PSMA7: variants seen among roughly 807,000 people sequenced by gnomAD.
PSMA7 encodes the protein proteasome 20S subunit alpha 7, also known as proteasome subunit alpha type-7.
In PSMA7, 5 loss-of-function variants were observed where a neutral mutation model predicts 31.3. The observed-to-expected ratio is 0.16, with a 90% confidence interval of 0.08 to 0.34. PSMA7 has a LOEUF of 0.34. Ranked by LOEUF, PSMA7 falls within the 10% of genes least tolerant of loss-of-function variation. The pLI is 1.00. For missense variants in PSMA7, 217 were observed against 327.5 expected, an observed-to-expected ratio of 0.66 and a Z score of 2.60; for synonymous variants, 155 against 121.9, an observed-to-expected ratio of 1.27 and a Z score of -1.79.
In PSMA7 at chr20:62,143,265, G is replaced by A; in HGVS notation, c.39C>T (p.Asp13=). ...CGTACTCCACTTGGAAGAGGTGGCC[G>A]TCGGGCGAGAAGACGGTGATGGCGC... ...YDRAITVFSP[D]GHLFQVEYAQ... is the part of the protein sequence containing the mutation. The change falls in exon 1 of 7, where the codon GAC becomes GAT. Residue 13 remains aspartate, a synonymous_variant. Transcript: ENST00000370873. 4 of 1,478,438 alleles carry A rather than the reference G, an allele frequency of 2.7e-6. No individual in the cohort carries two copies. Among genetic ancestry groups the A allele is most frequent in the Non-Finnish European group, 3.6e-6 (4 of 1,107,620 alleles). The allele number at this position is 1,478,438 out of a possible 1,614,324, so 91.6% of individuals were successfully genotyped here. A position where few individuals can be genotyped will look rare whatever the true frequency, so the allele number is the denominator to read the frequency against.
At position 62,136,822 on chromosome 20, in the gene PSMA7, G is replaced by A. The variant is rs906486702; in HGVS notation, c.*35C>T. 2 of 1,579,434 alleles carry A rather than the reference G, an allele frequency of 1.3e-6. No individual in the cohort carries two copies. The highest frequency in any genetic ancestry group is 8.6e-7 in the Non-Finnish European group (1 of 1,167,668). The stretch of plus-strand genomic sequence containing the variant: ...ATCGAGACTCATCCATGATTGATAT[G>A]AATTTAAAAATTACAAGCAAAGACA... On this transcript the variant is annotated 3_prime_UTR_variant, in exon 7 of 7. Coordinates refer to ENST00000370873, the MANE Select transcript of PSMA7 (RefSeq NM_002792.4).
At position 62,136,836 on chromosome 20, in the gene PSMA7, C is replaced by A; in HGVS notation, c.*21G>T. 3 of 1,582,512 alleles carry A rather than the reference C, an allele frequency of 1.9e-6. No homozygotes were observed. The highest frequency in any genetic ancestry group is 2.3e-5 in the South Asian group (2 of 85,508). On this transcript the variant is annotated 3_prime_UTR_variant, in exon 7 of 7. Coordinates refer to ENST00000370873, the MANE Select transcript of PSMA7 (RefSeq NM_002792.4). ...ATGATTGATATGAATTTAAAAATTA[C>A]AAGCAAAGACATTTTATTCATCATG...
In PSMA7 at chr20:62,143,344, A is replaced by AATG; in HGVS notation, c.-42_-41insCAT. On this transcript the variant is annotated 5_prime_UTR_variant, in exon 1 of 7. Transcript: ENST00000370873. ...CCGGGCTCCTTCCGCCGCGACTCTC[A>AATG]AAAGCGCACACTCACGGCCCGCGCG... 4 of 1,282,428 alleles carry AATG rather than the reference A, an allele frequency of 3.1e-6. No homozygotes were observed. The highest frequency in any genetic ancestry group is 4.1e-6 in the Non-Finnish European group (4 of 978,846). 79.4% of individuals were successfully genotyped at this position (1,282,428 alleles called of 1,614,324 possible). A position where few individuals can be genotyped will look rare whatever the true frequency, so the allele number is the denominator to read the frequency against.
intron 4 of PSMA7, 120 bp downstream of exon 4, chr20:62,138,955 A>G: frequency 1.0e-5 from 13 of 1,296,316 alleles, no homozygotes; most frequent in Non-Finnish European, 1.2e-5. Flanking sequence ...TCATAGGACT[A>G]GGTTAACTTA....
intron 5 of PSMA7, 152 bp from the exon 6 acceptor site, chr20:62,137,578 A>G: frequency 1.4e-6 from 1 of 714,866 alleles, no homozygotes; most frequent in Non-Finnish European, 2.4e-6. Flanking sequence ...TTTGTCCTAA[A>G]CTCATGGCCA....
chr20:62,136,739 ATACGG>A lies in PSMA7; in HGVS notation c.*113_*117del. 6 of 1,402,410 alleles carry A rather than the reference ATACGG, an allele frequency of 4.3e-6. No homozygotes were observed. Among genetic ancestry groups the A allele is most frequent in the Non-Finnish European group, 5.7e-6 (6 of 1,056,552 alleles). The allele number at this position is 1,402,410 out of a possible 1,614,324, so 86.9% of individuals were successfully genotyped here. ...TCTTAAAAAAAAAAACAGGTTAAAA[ATACGG>A]AAGTTTATTGTAGGACACTCAGTGT... On this transcript the variant is annotated 3_prime_UTR_variant, in exon 7 of 7. Transcript: ENST00000370873.
At position 62,143,312 on chromosome 20, in the gene PSMA7, G is replaced by T; in HGVS notation, c.-9C>A. On this transcript the variant is annotated 5_prime_UTR_variant, in exon 1 of 7. Coordinates refer to ENST00000370873, the MANE Select transcript of PSMA7 (RefSeq NM_002792.4). ...GCGCGGTCGTAGCTCATGCCGGCGGGCGGCGGCCGGGCTCCTTCCGCCGCG... is the reference window on the plus strand; with the variant it reads ...GCGCGGTCGTAGCTCATGCCGGCGGTCGGCGGCCGGGCTCCTTCCGCCGCG... 1 of 1,400,190 alleles carries T rather than the reference G, an allele frequency of 7.1e-7. No homozygotes were observed. The highest frequency in any genetic ancestry group is 9.4e-7 in the Non-Finnish European group (1 of 1,061,956). The allele number at this position is 1,400,190 out of a possible 1,614,324, so 86.7% of individuals were successfully genotyped here. A position where few individuals can be genotyped will look rare whatever the true frequency, so the allele number is the denominator to read the frequency against.
intron 1 of PSMA7, 87 bp from the exon 2 acceptor site, chr20:62,141,031 A>T (rs111924448): frequency 2.6e-4 from 389 of 1,520,042 alleles, no homozygotes; most frequent in Non-Finnish European, 3.2e-4. Context: ...GCACTTTGGG[A>T]GGCTGAGGTG....
chr20:62,143,211 G>T lies in PSMA7; in HGVS notation c.93C>A (p.Thr31=). ...CGCGCAGGCCCCGCCGCCTCACCGC[G>T]GTCGAGCCCTTCTTGACGGCCTCCT... The part of the protein sequence containing the change: ...YAQEAVKKGS[T]AVGVRGRDIV... Residue 31 remains threonine (T), a synonymous_variant, in exon 1 of 7, where the codon ACC becomes ACA. Transcript: ENST00000370873. 1.4e-6 allele frequency: 2 copies of T among 1,391,716 alleles called. No individual in the cohort carries two copies. The highest frequency in any genetic ancestry group is 9.4e-7 in the Non-Finnish European group (1 of 1,062,610). The allele number at this position is 1,391,716 out of a possible 1,614,324, so 86.2% of individuals were successfully genotyped here.
chr20:62,140,732 T>C (rs2056922719), intron 2 of PSMA7, 86 bp downstream of exon 2: 7 of 1,498,656 alleles, frequency 4.7e-6, no homozygotes, highest in Admixed American at 1.9e-5. Context: ...TGGCTCACAA[T>C]AGCCCACACA....
chr20:62,140,773 G>C, intron 2 of PSMA7, 45 bp downstream of exon 2: 1 of 1,604,218 alleles, frequency 6.2e-7, no homozygotes, highest in Non-Finnish European at 8.5e-7. Context: ...CCTATTCTTC[G>C]CTGAGACTCT....
chr20:62,140,784 A>G (rs747613525), intron 2 of PSMA7, 34 bp downstream of exon 2: 9 of 1,610,872 alleles, frequency 5.6e-6, no homozygotes, highest in South Asian at 1.1e-5. Flanking sequence ...CTGAGACTCT[A>G]GAGAGTAAGA....
chr20:62,139,929 C>T (rs933907183), intron 2 of PSMA7, 24 bp from the exon 3 acceptor site: 1 of 1,609,906 alleles, frequency 6.2e-7, no homozygotes, highest in Non-Finnish European at 8.5e-7. Context: ...AGAGAGGCTT[C>T]TGCTAGAGAG....
intron 3 of PSMA7, chr20:62,139,552 C>T (rs1600967411): frequency 1.3e-5 from 10 of 784,790 alleles, no homozygotes; most frequent in South Asian, 1.0e-4. Context: ...CTATCATTTC[C>T]CTCCAGACAC....
At chr20:62,139,303 C>A (rs1169786028) in intron 3 of PSMA7, 106 bp from the exon 4 acceptor site, 11 of 1,364,790 alleles carry the variant, frequency 8.1e-6, no homozygotes, top group East Asian at 2.4e-5. Context: ...GCCTGAGCCC[C>A]TTCTCAGGTT....
intron 1 of PSMA7, chr20:62,142,405 T>G (rs918685372): frequency 1.2e-4 from 19 of 152,424 alleles, no homozygotes; most frequent in African/African-American, 4.3e-4. Context: ...GAACCGTGTG[T>G]GCTGCTTTCT....
chr20:62,143,044 C>T (rs2056948035), intron 1 of PSMA7, among the ~76,000 whole-genome samples, 164 bp downstream of exon 1: 1 of 149,628 alleles, frequency 6.7e-6, no homozygotes, highest in African/African-American at 2.4e-5. Flanking sequence ...CTCGTGGAGA[C>T]CGGCAGCGGG....
At chr20:62,137,256 T>G in intron 6 of PSMA7, 108 bp downstream of exon 6, 1 of 1,192,706 alleles carries the variant, frequency 8.4e-7, no homozygotes, top group African/African-American at 1.5e-5. Context: ...TTCCTAATGT[T>G]AAAACCACAG....
At chr20:62,137,756 G>A (rs1479478649) in intron 5 of PSMA7, among the ~76,000 whole-genome samples, 4 of 152,148 alleles carry the variant, frequency 2.6e-5, no homozygotes, top group African/African-American at 9.7e-5. Flanking sequence ...TCCCTCTCTG[G>A]TTTTACCTGC....
Sources: gnomAD v4.1 joint callset for allele counts (sites outside exome capture counted in the v4.1 genomes callset) on GRCh38, gnomAD v4.1.1 for gene constraint, MANE v1.5 for transcripts, NCBI Gene and HGNC (gene_info 2026-07-23, HGNC 2026-07-21) for gene names.